KIF13A: variants seen among roughly 807,000 people sequenced by gnomAD.
The protein encoded by KIF13A is kinesin family member 13A, also known as kinesin-like protein KIF13A.
KIF13A carries 79 observed loss-of-function variants against 212.2 expected under a neutral mutation model. The ratio of observed to expected loss-of-function variants is 0.37; its 90% CI spans 0.31 to 0.45. The LOEUF is 0.45. Ranked by LOEUF, KIF13A falls within the 20% of genes least tolerant of loss-of-function variation. KIF13A has a pLI of 1.00. For synonymous variants in KIF13A, 789 were observed against 808.6 expected, an observed-to-expected ratio of 0.98 and a Z score of 0.41; for missense variants, 1,901 against 2,209.0, an observed-to-expected ratio of 0.86 and a Z score of 2.79.
intron 2 of KIF13A, among the ~76,000 whole-genome samples, chr6:17,904,119 C>T (rs542030141): frequency 2.2e-4 from 34 of 151,232 alleles, no homozygotes; most frequent in African/African-American, 6.3e-4. Flanking sequence ...ATCGTGCCAC[C>T]GCACTCTGAC....
At chr6:17,836,510 C>A (rs1765964774) in intron 11 of KIF13A, among the ~76,000 whole-genome samples, 1 of 152,150 alleles carries the variant, frequency 6.6e-6, no homozygotes, top group Non-Finnish European at 1.5e-5. Context: ...TTGGCAGATG[C>A]CAATAAACAC....
Position 17,934,787 on chromosome 6 carries a change from CAAA to C in KIF13A, c.147-36610_147-36608del, listed in dbSNP as rs11301845. ...GGGCAACCAAGCAATACCCTGTCTC[CAAA>C]AAAAAAAAAAAGACACTTAAAAATA... On this transcript the variant is annotated intron_variant, in intron 2 of 38. Transcript: ENST00000259711. This position sits in a 1 kb window ranked among gnomAD's most constrained non-coding sequence, Gnocchi z 5.4. Among the ~76,000 whole-genome samples the C allele has an allele frequency of 9.3e-5, 13 of 140,198 alleles. No individual in the cohort carries two copies. Among genetic ancestry groups the C allele is most frequent in the Admixed American group, 1.4e-4 (2 of 14,090 alleles). The allele number at this position is 140,198 out of a possible 152,430, so 92.0% of individuals were successfully genotyped here.
At chr6:17,954,736 C>G (rs569030047) in intron 2 of KIF13A, among the ~76,000 whole-genome samples, 1 of 152,104 alleles carries the variant, frequency 6.6e-6, no homozygotes, top group Non-Finnish European at 1.5e-5. Flanking sequence ...TGCAGTGTTG[C>G]GACCATAGCT....
At chr6:17,922,004 T>C (rs952173379) in intron 2 of KIF13A, among the ~76,000 whole-genome samples, 1 of 152,178 alleles carries the variant, frequency 6.6e-6, no homozygotes, top group African/African-American at 2.4e-5. Context: ...ACACAATACA[T>C]TGAACTTTTA....
chr6:17,874,173 C>T (rs1224927167), intron 3 of KIF13A, among the ~76,000 whole-genome samples: 1 of 152,094 alleles, frequency 6.6e-6, no homozygotes, highest in Non-Finnish European at 1.5e-5. Context: ...TCCATGATAT[C>T]ATCTGTAGCA....
chr6:17,938,278 A>G (rs908443489), intron 2 of KIF13A, among the ~76,000 whole-genome samples: 18 of 152,198 alleles, frequency 1.2e-4, no homozygotes, highest in African/African-American at 4.1e-4. Flanking sequence ...TGTCTGACAC[A>G]TAAGTGCTCA....
rs897060944 is a variant in KIF13A, at chr6:17,773,936, A to T, written c.4219-353T>A. ...GAGTGACTTGATAATTTAATGACCAAACTGAAACACTCTCAAAGGACAACT... is the reference window on the plus strand; with the variant it reads ...GAGTGACTTGATAATTTAATGACCATACTGAAACACTCTCAAAGGACAACT... On this transcript the variant is annotated intron_variant, in intron 35 of 38. Coordinates refer to ENST00000259711, the MANE Select transcript of KIF13A (RefSeq NM_022113.6). This position sits in a 1 kb window ranked among gnomAD's most constrained non-coding sequence, Gnocchi z 4.2. Among the ~76,000 whole-genome samples the T allele has an allele frequency of 2.0e-5, 3 of 152,176 alleles. No homozygotes were observed. Among genetic ancestry groups the T allele is most frequent in the Non-Finnish European group, 4.4e-5 (3 of 68,028 alleles).
At position 17,804,361 on chromosome 6, in the gene KIF13A, C is replaced by T. The variant is rs996220254; in HGVS notation, c.2454G>A (p.Glu818=). The change falls in exon 20 of 39, where the codon GAG becomes GAA. Residue 818 remains glutamate, a splice_region_variant and synonymous_variant. Transcript: ENST00000259711. The stretch of plus-strand genomic sequence containing the variant: ...TTCTCCAAGGCTGGCCTGTGCTTAC[C>T]TCCCCCTGCTGGCTGATGATAGGGA... ...YAVPIISQQG[E]VAGRLHVEVM... is the part of the protein sequence containing the mutation. The T allele has an allele frequency of 6.5e-7, 1 of 1,537,418 alleles. No individual in the cohort carries two copies. The highest frequency in any genetic ancestry group is 1.4e-5 in the African/African-American group (1 of 72,864).
rs112580662 is a variant in KIF13A at position 17,985,632 on chromosome 6, C to CCG, written c.146+1421_146+1422insCG. 7.9e-4 allele frequency among the ~76,000 whole-genome samples: 30 copies of CCG among 38,186 alleles called. 1 individual carries two copies. Among genetic ancestry groups the CCG allele is most frequent in the Middle Eastern group, 0.015 (1 of 66 alleles). The allele number at this position is 38,186 out of a possible 152,430, so 25.1% of individuals were successfully genotyped here. On this transcript the variant is annotated intron_variant, in intron 2 of 38. Transcript: ENST00000259711. ...TTTTCCCGAAACAATATGCAGTTTG[C>CCG]GGGGGGGTGGGGGGAGGGGACATTC...
intron 2 of KIF13A, among the ~76,000 whole-genome samples, chr6:17,975,204 A>C (rs1406977856): frequency 1.3e-5 from 2 of 152,134 alleles, no homozygotes; most frequent in African/African-American, 2.4e-5. Flanking sequence ...ATAAAAAAAA[A>C]CTAGCAGGCG....
At position 17,816,328 on chromosome 6, in the gene KIF13A, C is replaced by T. The variant is rs950071794; in HGVS notation, c.2000+692G>A. ...AAGTGACCCTCCCTCCTAAGCCTCC[C>T]AAGTAGCTGGGATTATAGGCACCAG... On this transcript the variant is annotated intron_variant, in intron 17 of 38. Coordinates refer to ENST00000259711, the MANE Select transcript of KIF13A (RefSeq NM_022113.6). The surrounding 1 kb of genome is among the most constrained non-coding windows in gnomAD (Gnocchi z 4.3). 6.6e-6 allele frequency among the ~76,000 whole-genome samples: 1 copy of T among 152,128 alleles called. No individual in the cohort carries two copies. Among genetic ancestry groups the T allele is most frequent in the Non-Finnish European group, 1.5e-5 (1 of 68,022 alleles).
chr6:17,771,857 G>T lies in KIF13A; in HGVS notation c.4476+51C>A, dbSNP rs764275611. The T allele has an allele frequency of 2.0e-5, 32 of 1,576,304 alleles. No homozygotes were observed. In the South Asian group the frequency reaches 3.5e-4, roughly 17 times the overall value. On this transcript the variant is annotated intron_variant, in intron 37 of 38. Transcript: ENST00000259711. The surrounding 1 kb of genome is among the most constrained non-coding windows in gnomAD (Gnocchi z 5.4). ...GTTAATGCACACTGCTGCTTCACAG[G>T]TGACACAACTCTGCTCTATTCTGCA...
In KIF13A at chr6:17,926,749, C is replaced by T. The variant is rs1171559071; in HGVS notation, c.147-28569G>A. ...ATGTTTAAGTATATTAGGATATATT[C>T]AGATGATAAACAACTTGTAGCTACT... On this transcript the variant is annotated intron_variant, in intron 2 of 38. Coordinates refer to ENST00000259711, the MANE Select transcript of KIF13A (RefSeq NM_022113.6). This position sits in a 1 kb window ranked among gnomAD's most constrained non-coding sequence, Gnocchi z 4.3. Among the ~76,000 whole-genome samples, 1 of 152,130 alleles carries T rather than the reference C, an allele frequency of 6.6e-6. No individual in the cohort carries two copies. The highest frequency in any genetic ancestry group is 2.4e-5 in the African/African-American group (1 of 41,418).
At chr6:17,933,649 T>C (rs536306258) in intron 2 of KIF13A, among the ~76,000 whole-genome samples, 27 of 152,278 alleles carry the variant, frequency 1.8e-4, no homozygotes, top group African/African-American at 5.5e-4. Context: ...TTTAAGTTTA[T>C]TGATTTCCTG....
At chr6:17,983,780 A>C (rs1346517962) in intron 2 of KIF13A, among the ~76,000 whole-genome samples, 1 of 151,842 alleles carries the variant, frequency 6.6e-6, no homozygotes, top group Admixed American at 6.6e-5. Flanking sequence ...GAGCTACCTC[A>C]CCCAGCCCAG....
chr6:17,805,629 A>T lies in KIF13A; in HGVS notation c.2164-14T>A, dbSNP rs1195199107. 2 of 1,584,118 alleles carry T rather than the reference A, an allele frequency of 1.3e-6. No homozygotes were observed. Among genetic ancestry groups the T allele is most frequent in the Non-Finnish European group, 1.7e-6 (2 of 1,163,994 alleles). ...TATTGCACCTCTCTGCATAAGGAAG[A>T]AAAACAAAACAAACCCTGTTATAAC... is the stretch of plus-strand genomic sequence containing the variant. On this transcript the variant is annotated splice_polypyrimidine_tract_variant and intron_variant, in intron 18 of 38. Coordinates refer to ENST00000259711, the MANE Select transcript of KIF13A (RefSeq NM_022113.6).
At chr6:17,889,337 T>C (rs552071237) in intron 3 of KIF13A, among the ~76,000 whole-genome samples, 23 of 152,284 alleles carry the variant, frequency 1.5e-4, no homozygotes, top group African/African-American at 4.6e-4. Flanking sequence ...CTTATAAACA[T>C]AGAAGTGAGA....
At chr6:17,955,630 C>T (rs1778292129) in intron 2 of KIF13A, among the ~76,000 whole-genome samples, 2 of 152,194 alleles carry the variant, frequency 1.3e-5, no homozygotes, top group African/African-American at 4.8e-5. Context: ...AACAGCAGTG[C>T]AACTAATCTT....
At position 17,902,269 on chromosome 6, in the gene KIF13A, T is replaced by C. The variant is rs550478010; in HGVS notation, c.147-4089A>G. On this transcript the variant is annotated intron_variant, in intron 2 of 38. Coordinates refer to ENST00000259711, the MANE Select transcript of KIF13A (RefSeq NM_022113.6). The stretch of plus-strand genomic sequence containing the variant: ...ATTTCTGACCACTCTCCAATGCCCA[T>C]CCTCCCCTTCATTCTCCAAAACATC... 2.6e-5 allele frequency among the ~76,000 whole-genome samples: 4 copies of C among 152,292 alleles called. No homozygotes were observed. The South Asian group carries it at 8.3e-4, about 32-fold the overall frequency.
Sources: gnomAD v4.1 joint callset for allele counts (sites outside exome capture counted in the v4.1 genomes callset) on GRCh38, gnomAD v4.1.1 for gene constraint, Gnocchi (gnomAD v3.1) non-coding constraint, MANE v1.5 for transcripts, NCBI Gene and HGNC (gene_info 2026-07-23, HGNC 2026-07-21) for gene names.